Variants in INSL6 observed in about 807,000 individuals in gnomAD.
The protein encoded by INSL6 is insulin like 6.
INSL6 carries 16 observed loss-of-function variants against 9.4 expected under a neutral mutation model. The ratio of observed to expected loss-of-function variants is 1.70; its 90% CI spans 1.15 to 2.59. INSL6 has a LOEUF of 2.59. Among genes scored for constraint, INSL6 ranks in the 30% most tolerant of loss-of-function variants. INSL6 has a pLI of 0.00. For missense variants in INSL6, 391 were observed against 257.3 expected (o/e 1.52, Z -3.56); for synonymous variants, 154 against 96.9 (o/e 1.59, Z -3.46).
At chr9:5,040,976 C>T in the INSL6 span, 2 of 592,544 alleles carry the variant, frequency 3.4e-6, no homozygotes, top group East Asian at 3.7e-5. Flanking sequence ...AAATATGTGG[C>T]TATCAAATTG....
chr9:5,060,304 C>T, the INSL6 span, among the ~76,000 whole-genome samples: 1 of 152,112 alleles, frequency 6.6e-6, no homozygotes, highest in Non-Finnish European at 1.5e-5. Context: ...ATAACAATGA[C>T]ATTTACTGCA....
chr9:5,057,473 T>A, the INSL6 span, among the ~76,000 whole-genome samples: 1 of 152,024 alleles, frequency 6.6e-6, no homozygotes, highest in Non-Finnish European at 1.5e-5. Context: ...CACTTTTGCA[T>A]CCAATTTCCA....
chr9:5,027,447 T>C, the INSL6 span, among the ~76,000 whole-genome samples: 1 of 152,202 alleles, frequency 6.6e-6, no homozygotes, highest in Non-Finnish European at 1.5e-5. Context: ...CATAATCTTT[T>C]TGTTAGTGGA....
chr9:5,008,954 T>C, the INSL6 span, among the ~76,000 whole-genome samples: 23 of 152,196 alleles, frequency 1.5e-4, no homozygotes, highest in Non-Finnish European at 2.8e-4. Context: ...ACCTGGGAGT[T>C]TGTCTTGACT....
chr9:5,094,198 C>G, the INSL6 span: 8,555 of 152,188 alleles, frequency 0.056, 362 homozygotes, highest in Non-Finnish European at 0.091. Context: ...ACCGTAGGCC[C>G]CTGTGGACTG....
chr9:5,086,007 G>T, the INSL6 span: 2 of 832,150 alleles, frequency 2.4e-6, no homozygotes, highest in South Asian at 1.3e-5. Context: ...ATGAAACTGT[G>T]ATATACTATA....
At chr9:5,168,228 G>C (rs1825098107) in intron 1 of INSL6, among the ~76,000 whole-genome samples, 1 of 152,198 alleles carries the variant, frequency 6.6e-6, no homozygotes, top group African/African-American at 2.4e-5. Flanking sequence ...GTCAGAGATA[G>C]ATAAATTGAC....
In INSL6 at chr9:5,184,150, A is replaced by T. The variant is rs1337420772; in HGVS notation, c.289+1164T>A. Among the ~76,000 whole-genome samples the T allele has an allele frequency of 2.6e-5, 4 of 152,192 alleles. No individual in the cohort carries two copies. In the South Asian group the frequency reaches 6.2e-4, roughly 24 times the overall value. The stretch of plus-strand genomic sequence containing the variant: ...AACAGTGACTTTATAAATTCTATTC[A>T]TTCATTCCAAAAAAGCTAATGAGTG... On this transcript the variant is annotated intron_variant, in intron 1 of 1. Coordinates refer to ENST00000381641, the MANE Select transcript of INSL6 (RefSeq NM_007179.3).
At chr9:5,032,841 C>T in the INSL6 span, among the ~76,000 whole-genome samples, 4 of 152,228 alleles carry the variant, frequency 2.6e-5, no homozygotes, top group South Asian at 8.3e-4. Flanking sequence ...GAGAGCACCT[C>T]TCCTCCTCCA....
chr9:5,066,311 T>C, the INSL6 span, among the ~76,000 whole-genome samples: 1 of 152,156 alleles, frequency 6.6e-6, no homozygotes, highest in South Asian at 2.1e-4. Context: ...AGTAGAGATA[T>C]AAGTATTTTC....
the INSL6 span, among the ~76,000 whole-genome samples, chr9:5,021,505 T>C: frequency 1.3e-5 from 2 of 152,268 alleles, no homozygotes; most frequent in African/African-American, 2.4e-5. Flanking sequence ...TTGTGCTTTG[T>C]ATGTAGTAAT....
the INSL6 span, chr9:5,089,560 A>G: frequency 2.7e-6 from 1 of 365,418 alleles, no homozygotes; most frequent in Non-Finnish European, 4.6e-6. Flanking sequence ...AAAAAAAAAA[A>G]AAAAAGACAG....
chr9:5,102,512 C>A, the INSL6 span, among the ~76,000 whole-genome samples: 4 of 152,086 alleles, frequency 2.6e-5, no homozygotes, highest in Non-Finnish European at 4.4e-5. Flanking sequence ...CCAAGGCAGG[C>A]CAACATTCAA....
At chr9:5,031,030 A>G in the INSL6 span, among the ~76,000 whole-genome samples, 1 of 152,276 alleles carries the variant, frequency 6.6e-6, no homozygotes, top group South Asian at 2.1e-4. Context: ...AATGGTCTTA[A>G]TAAGAAAAAA....
the INSL6 span, among the ~76,000 whole-genome samples, chr9:5,104,935 A>G: frequency 7.9e-5 from 12 of 152,212 alleles, no homozygotes; most frequent in Non-Finnish European, 1.3e-4. Context: ...GTTTATGACA[A>G]ACTCACAGCC....
At chr9:5,061,176 A>G in the INSL6 span, among the ~76,000 whole-genome samples, 113 of 152,330 alleles carry the variant, frequency 7.4e-4, no homozygotes, top group African/African-American at 2.6e-3. Flanking sequence ...TAATTCGCAG[A>G]GCCCTGGGAT....
chr9:5,024,594 T>A, the INSL6 span, among the ~76,000 whole-genome samples: 1 of 152,138 alleles, frequency 6.6e-6, no homozygotes, highest in Non-Finnish European at 1.5e-5. Flanking sequence ...ATAGAAATGC[T>A]TTTCAGTGCT....
chr9:5,010,664 A>G, the INSL6 span, among the ~76,000 whole-genome samples: 1 of 152,198 alleles, frequency 6.6e-6, no homozygotes, highest in African/African-American at 2.4e-5. Flanking sequence ...GAAGAATAAT[A>G]TTATAATTAA....
Position 5,185,402 on chromosome 9 carries a change from C to A in INSL6, c.201G>T (p.Gln67His). Residue 67 changes from glutamine to histidine, a missense_variant, in exon 1 of 2, where the codon CAG becomes CAT. Coordinates refer to ENST00000381641, the MANE Select transcript of INSL6 (RefSeq NM_007179.3). ...EETPFSRLIA[Q>H]ASEKVEAYSP... ...TGTAGGCTTCGACCTTCTCCGAGGC[C>A]TGTGCAATCAACCGTGAGAAAGGGG... is the stretch of plus-strand genomic sequence containing the variant. 3 of 1,614,166 alleles carry A rather than the reference C, an allele frequency of 1.9e-6. No homozygotes were observed. The highest frequency in any genetic ancestry group is 2.5e-6 in the Non-Finnish European group (3 of 1,180,036).
Sources: gnomAD v4.1 joint callset for allele counts (sites outside exome capture counted in the v4.1 genomes callset) on GRCh38, gnomAD v4.1.1 for gene constraint, MANE v1.5 for transcripts, NCBI Gene and HGNC (gene_info 2026-07-23, HGNC 2026-07-21) for gene names.